GNAI1: variants seen among roughly 807,000 people sequenced by gnomAD.
GNAI1 encodes the protein G protein subunit alpha i1, also known as guanine nucleotide-binding protein G(i) subunit alpha-1.
GNAI1 carries 11 observed loss-of-function variants against 38.9 expected under a neutral mutation model. The ratio of observed to expected loss-of-function variants is 0.28; its 90% CI spans 0.18 to 0.47. GNAI1 has a LOEUF of 0.47. Among genes scored for constraint, GNAI1 ranks in the 20% least tolerant of loss-of-function variants. The pLI is 0.99. For missense variants in GNAI1, 317 were observed against 436.9 expected (o/e 0.73, Z 2.45); for synonymous variants, 166 against 145.1 (o/e 1.14, Z -1.04).
chr7:80,215,009 G>C (rs1449911441), intron 7 of GNAI1, among the ~76,000 whole-genome samples: 1 of 152,098 alleles, frequency 6.6e-6, no homozygotes, highest in Non-Finnish European at 1.5e-5. Flanking sequence ...GTTAGCACCT[G>C]AAGCTCAAAC....
intron 5 of GNAI1, among the ~76,000 whole-genome samples, chr7:80,209,019 G>A (rs1049683219): frequency 1.3e-5 from 2 of 152,140 alleles, no homozygotes; most frequent in South Asian, 4.1e-4. Context: ...GACAACAGAA[G>A]GTTCTTTCCA....
intron 3 of GNAI1, among the ~76,000 whole-genome samples, chr7:80,192,152 C>T (rs1027970341): frequency 5.9e-5 from 9 of 152,126 alleles, no homozygotes; most frequent in Non-Finnish European, 4.4e-5. Context: ...TGAAATAGTA[C>T]ATTACAGAAC....
In GNAI1 at chr7:80,225,337, A is replaced by C. The variant is rs912925197; in HGVS notation, c.*7844A>C. Among the ~76,000 whole-genome samples, 2 of 152,214 alleles carry C rather than the reference A, an allele frequency of 1.3e-5. No homozygotes were observed. The highest frequency in any genetic ancestry group is 4.8e-5 in the African/African-American group (2 of 41,458). The stretch of plus-strand genomic sequence containing the variant: ...CTCTCTTTATTTTTAGTTCCAATAC[A>C]TGGAGGGGGAGTTGACCCTTCAAGA... On this transcript the variant is annotated 3_prime_UTR_variant, in exon 8 of 8. Transcript: ENST00000649796.
Position 80,226,105 on chromosome 7 carries a change from A to G in GNAI1, c.*8612A>G, listed in dbSNP as rs1214000476. 1.3e-5 allele frequency among the ~76,000 whole-genome samples: 2 copies of G among 152,218 alleles called. No individual in the cohort carries two copies. Among genetic ancestry groups the G allele is most frequent in the Admixed American group, 1.3e-4 (2 of 15,290 alleles). ...CCCTCTAACAATTATGAAGAAAAAA[A>G]AAGACTAGATTTTATATCAACTTAA... On this transcript the variant is annotated 3_prime_UTR_variant, in exon 8 of 8. Transcript: ENST00000649796.
intron 1 of GNAI1, among the ~76,000 whole-genome samples, chr7:80,149,221 T>TATA (rs111285139): frequency 0.045 from 6,874 of 152,188 alleles, 256 homozygotes; most frequent in African/African-American, 0.11. Flanking sequence ...TTAGTGGCTA[T>TATA]ATATGTTTTA....
chr7:80,187,050 T>C (rs1788396943), intron 1 of GNAI1: 1 of 152,216 alleles, frequency 6.6e-6, no homozygotes, highest in Admixed American at 6.5e-5. Context: ...CCTGCCTGCT[T>C]TTCTATTCAG....
chr7:80,169,904 A>G (rs1452022848), intron 1 of GNAI1, among the ~76,000 whole-genome samples: 1 of 152,166 alleles, frequency 6.6e-6, no homozygotes, highest in Non-Finnish European at 1.5e-5. Flanking sequence ...ATTTCTGGAC[A>G]TTTCGTATAA....
chr7:80,217,198 C>CTGTATGAAACTGACTCCAGTTTCATA, intron 7 of GNAI1, 105 bp from the exon 8 acceptor site: 1 of 478,782 alleles, frequency 2.1e-6, no homozygotes, highest in African/African-American at 2.1e-5. Flanking sequence ...ATGAATGAAA[C>CTGTATGAAACTGACTCCAGTTTCATA]TGTATGAAAC....
chr7:80,177,801 A>G (rs568960554), intron 1 of GNAI1, among the ~76,000 whole-genome samples: 2 of 152,288 alleles, frequency 1.3e-5, no homozygotes, highest in East Asian at 3.9e-4. Flanking sequence ...CTTCTAACAC[A>G]GTATTTGTTC....
At chr7:80,169,663 T>C (rs1443223779) in intron 1 of GNAI1, among the ~76,000 whole-genome samples, 1 of 152,208 alleles carries the variant, frequency 6.6e-6, no homozygotes, top group Non-Finnish European at 1.5e-5. Flanking sequence ...CCAAATTTTA[T>C]TAACTTTTAA....
intron 1 of GNAI1, among the ~76,000 whole-genome samples, chr7:80,139,518 A>G (rs966404511): frequency 1.3e-5 from 2 of 152,064 alleles, no homozygotes; most frequent in African/African-American, 4.8e-5. Context: ...CTATTTTCCT[A>G]CTGCTGTGGG....
At chr7:80,189,274 G>C in intron 3 of GNAI1, 43 bp downstream of exon 3, 1 of 1,555,262 alleles carries the variant, frequency 6.4e-7, no homozygotes, top group South Asian at 1.1e-5. Flanking sequence ...TGGGTAAAAA[G>C]AATAACTTGT....
At chr7:80,135,385 G>A (rs931034346) in intron 1 of GNAI1, 107 bp downstream of exon 1, 3 of 597,236 alleles carry the variant, frequency 5.0e-6, no homozygotes, top group Non-Finnish European at 7.7e-6. Flanking sequence ...AAGCGCCCGA[G>A]GAGGCTTCTG....
chr7:80,191,708 A>T (rs1239621627), intron 3 of GNAI1, among the ~76,000 whole-genome samples: 3 of 152,190 alleles, frequency 2.0e-5, no homozygotes, highest in African/African-American at 7.2e-5. Flanking sequence ...AGTATATTCA[A>T]AAGAAGTCTG....
chr7:80,215,617 A>G (rs1475469954), intron 7 of GNAI1, among the ~76,000 whole-genome samples: 2 of 152,202 alleles, frequency 1.3e-5, no homozygotes, highest in African/African-American at 2.4e-5. Flanking sequence ...TATAAGATAT[A>G]AAAGGAGTAT....
At chr7:80,168,086 A>G (rs1270401126) in intron 1 of GNAI1, among the ~76,000 whole-genome samples, 5 of 152,276 alleles carry the variant, frequency 3.3e-5, no homozygotes, top group African/African-American at 7.2e-5. Context: ...GGCTAGCGCT[A>G]TCCTTTTTGA....
In GNAI1 at chr7:80,220,021, CTCTT is replaced by C. The variant is rs1169420189; in HGVS notation, c.*2529_*2532del. Among the ~76,000 whole-genome samples, 1 of 152,210 alleles carries C rather than the reference CTCTT, an allele frequency of 6.6e-6. No homozygotes were observed. The highest frequency in any genetic ancestry group is 1.5e-5 in the Non-Finnish European group (1 of 68,020). On this transcript the variant is annotated 3_prime_UTR_variant, in exon 8 of 8. Coordinates refer to ENST00000649796, the MANE Select transcript of GNAI1 (RefSeq NM_002069.6). Reference sequence around the variant, plus strand: ...GTTAAATTCCCCACCTCCCATTTCTCTCTTCTCGAAAAACCCAGGTTAGTTATCC... The same window carrying C: ...GTTAAATTCCCCACCTCCCATTTCTCCTCGAAAAACCCAGGTTAGTTATCC...
intron 1 of GNAI1, among the ~76,000 whole-genome samples, chr7:80,137,235 G>A (rs182948756): frequency 6.2e-4 from 93 of 149,362 alleles, no homozygotes; most frequent in African/African-American, 2.2e-3. Flanking sequence ...AGAGAAAGAT[G>A]TAGCAGAGGC....
chr7:80,171,948 A>G (rs1477354668), intron 1 of GNAI1, among the ~76,000 whole-genome samples: 2 of 152,206 alleles, frequency 1.3e-5, no homozygotes, highest in African/African-American at 2.4e-5. Context: ...TTTAAAAATG[A>G]TATTTGAAAG....
Sources: gnomAD v4.1 joint callset for allele counts (sites outside exome capture counted in the v4.1 genomes callset) on GRCh38, gnomAD v4.1.1 for gene constraint, MANE v1.5 for transcripts, NCBI Gene and HGNC (gene_info 2026-07-23, HGNC 2026-07-21) for gene names.